PKP1: variants seen among roughly 807,000 people sequenced by gnomAD.
PKP1 encodes plakophilin 1, also known as plakophilin-1.
PKP1 carries 27 observed loss-of-function variants against 76.4 expected under a neutral mutation model. The observed-to-expected ratio is 0.35, with a 90% CI of 0.26 to 0.49. PKP1 has a LOEUF of 0.49. PKP1 is among the 20% of genes least tolerant of loss of function. PKP1 has a pLI of 0.99. For missense variants in PKP1, 964 were observed against 955.2 expected (o/e 1.01, Z -0.12); for synonymous variants, 404 against 384.2 (o/e 1.05, Z -0.60).
chr1:201,284,642 AG>A (rs776717644), intron 1 of PKP1, among the ~76,000 whole-genome samples: 65 of 152,244 alleles, frequency 4.3e-4, no homozygotes, highest in Non-Finnish European at 7.9e-4. Context: ...CCTTGACGAC[AG>A]GGAAGGGGGT....
At chr1:201,309,024 A>G (rs1571551027) in intron 2 of PKP1, among the ~76,000 whole-genome samples, 1 of 151,994 alleles carries the variant, frequency 6.6e-6, no homozygotes, top group Non-Finnish European at 1.5e-5. Context: ...ATGGTTAGTT[A>G]CTGCCCTATC....
rs755831958 is a variant in PKP1 at position 201,313,173 on chromosome 1, A to G, written c.314A>G (p.Asn105Ser). The G allele has an allele frequency of 3.1e-6, 5 of 1,609,698 alleles. No homozygotes were observed. Among genetic ancestry groups the G allele is most frequent in the African/African-American group, 1.3e-5 (1 of 74,718 alleles). Residue 105 changes from asparagine (N) to serine (S), a missense_variant, in exon 3 of 14, where the codon AAT becomes AGT. Transcript: ENST00000367324. The stretch of plus-strand genomic sequence containing the variant: ...CTCCCTTTCCCTGGCCAGATCTACA[A>G]TGGAACCCTCAAGCGGGAGCCTGAC... Reference protein sequence around the residue: ...GNGSWGYPIYNGTLKREPDNR... With the variant: ...GNGSWGYPIYSGTLKREPDNR...
intron 2 of PKP1, among the ~76,000 whole-genome samples, chr1:201,302,024 G>C (rs910336533): frequency 1.3e-5 from 2 of 152,206 alleles, no homozygotes. Flanking sequence ...GCCGCAGGTG[G>C]TGGCTTTCGA....
At chr1:201,320,571 CT>C (rs1271998880) in intron 7 of PKP1, among the ~76,000 whole-genome samples, 190 bp downstream of exon 7, 6 of 152,238 alleles carry the variant, frequency 3.9e-5, no homozygotes, top group African/African-American at 1.2e-4. Context: ...TGCAAATCCA[CT>C]CTCCCTCACT....
intron 1 of PKP1, among the ~76,000 whole-genome samples, chr1:201,290,818 A>G (rs1313179288): frequency 6.6e-6 from 1 of 152,166 alleles, no homozygotes; most frequent in East Asian, 1.9e-4. Context: ...GGTGGTGGAG[A>G]CTTGTACGGG....
intron 12 of PKP1, among the ~76,000 whole-genome samples, chr1:201,327,475 T>C (rs1236037572): frequency 1.3e-5 from 2 of 152,184 alleles, no homozygotes; most frequent in Non-Finnish European, 2.9e-5. Flanking sequence ...CAGCACTGCA[T>C]TGAAGATGGG....
At chr1:201,285,220 C>CCACACACACA (rs140683611) in intron 1 of PKP1, among the ~76,000 whole-genome samples, 7 of 136,754 alleles carry the variant, frequency 5.1e-5, no homozygotes, top group African/African-American at 1.4e-4. Context: ...GGCCCTTCCA[C>CCACACACACA]CACACACACA....
intron 2 of PKP1, among the ~76,000 whole-genome samples, chr1:201,303,717 G>C (rs1304902505): frequency 6.6e-6 from 1 of 152,040 alleles, no homozygotes; most frequent in Non-Finnish European, 1.5e-5. Context: ...AATCAAAATG[G>C]GAAAAAGAAG....
chr1:201,320,420 C>G (rs772972195), intron 7 of PKP1, 39 bp downstream of exon 7: 29 of 1,309,894 alleles, frequency 2.2e-5, no homozygotes, highest in Middle Eastern at 1.8e-4. Flanking sequence ...CCCCTAGGCC[C>G]AGCCCCCTAC....
chr1:201,303,004 C>A lies in PKP1; in HGVS notation c.306+8959C>A, dbSNP rs12568868. Among the ~76,000 whole-genome samples, 63 of 152,348 alleles carry A rather than the reference C, an allele frequency of 4.1e-4. 1 individual carries two copies. In the East Asian group the frequency reaches 0.012, roughly 29 times the overall value. On this transcript the variant is annotated intron_variant, in intron 2 of 13. Transcript: ENST00000367324. Reference sequence around the variant, plus strand: ...AAGACTGGAGCATGGTCTCCTGACTCCTGGCTCAGGGCTCCTGGTCACACT... The same window carrying A: ...AAGACTGGAGCATGGTCTCCTGACTACTGGCTCAGGGCTCCTGGTCACACT...
Position 201,289,521 on chromosome 1 carries a change from A to G in PKP1, c.203-4421A>G, listed in dbSNP as rs574719511. Among the ~76,000 whole-genome samples the G allele has an allele frequency of 2.0e-5, 3 of 152,242 alleles. No homozygotes were observed. In the South Asian group the frequency reaches 6.3e-4, roughly 32 times the overall value. The stretch of plus-strand genomic sequence containing the variant: ...GAAAGTGGAAAAAGCGGATTTCCCT[A>G]TGACCTCTGTCTGCAGGAAGGCTGA... On this transcript the variant is annotated intron_variant, in intron 1 of 13. Coordinates refer to ENST00000367324, the MANE Select transcript of PKP1 (RefSeq NM_001005337.3).
intron 1 of PKP1, among the ~76,000 whole-genome samples, chr1:201,291,634 G>C (rs559080227): frequency 6.6e-6 from 1 of 152,178 alleles, no homozygotes; most frequent in South Asian, 2.1e-4. Flanking sequence ...CCTCCCCGGT[G>C]CTCCATAAAG....
intron 3 of PKP1, among the ~76,000 whole-genome samples, chr1:201,314,014 T>C (rs1447864811): frequency 6.6e-6 from 1 of 152,250 alleles, no homozygotes; most frequent in African/African-American, 2.4e-5. Context: ...TGAGAACCTC[T>C]GATCTTAGGC....
At chr1:201,295,130 A>T (rs188232423) in intron 2 of PKP1, among the ~76,000 whole-genome samples, 1 of 152,280 alleles carries the variant, frequency 6.6e-6, no homozygotes, top group East Asian at 1.9e-4. Flanking sequence ...ATTTGCTTTA[A>T]GACACAGATG....
intron 1 of PKP1, among the ~76,000 whole-genome samples, chr1:201,287,267 C>A (rs964288015): frequency 1.8e-4 from 27 of 152,194 alleles, no homozygotes; most frequent in Non-Finnish European, 3.5e-4. Flanking sequence ...TTCTGTAGTT[C>A]CTGTGTCTAT....
Position 201,283,786 on chromosome 1 carries a change from C to A in PKP1, c.84C>A (p.Asp28Glu), listed in dbSNP as rs751815067. The change falls in exon 1 of 14, where the codon GAC (aspartate) becomes GAA (glutamate). Residue 28 changes from aspartate (D) to glutamate (E), a missense_variant. Transcript: ENST00000367324. ...ACTCCACGTTGGCTTTGCCGTCGGA[C>A]CAAAAGATGAAAACAGGCACGTCTG... ...QDNSTLALPS[D>E]QKMKTGTSGR... 2 of 1,614,150 alleles carry A rather than the reference C, an allele frequency of 1.2e-6. No individual in the cohort carries two copies. Among genetic ancestry groups the A allele is most frequent in the Admixed American group, 1.7e-5 (1 of 60,034 alleles).
rs761676640 is a variant in PKP1, at chr1:201,323,039, T to C, written c.1530T>C (p.Pro510=). 11 of 1,614,124 alleles carry C rather than the reference T, an allele frequency of 6.8e-6. No homozygotes were observed. Among genetic ancestry groups the C allele is most frequent in the Non-Finnish European group, 9.3e-6 (11 of 1,180,010 alleles). The part of the protein sequence containing the change: ...MMNNNYDCPL[P]EEETNPKGSG... ...ACAACAACTATGACTGCCCCCTGCC[T>C]GAGGAAGAGACCAACCCCAAGGGCA... The change falls in exon 9 of 14, where the codon CCT becomes CCC. Residue 510 remains proline (P), a synonymous_variant. Coordinates refer to ENST00000367324, the MANE Select transcript of PKP1 (RefSeq NM_001005337.3).
At position 201,284,085 on chromosome 1, in the gene PKP1, A is replaced by C. The variant is rs534565763; in HGVS notation, c.202+181A>C. ...CTCCCAGCCGGTTCTGAGCTGGTGT[A>C]AACGCGACCCGAGGCTGGCTCGACG... On this transcript the variant is annotated intron_variant, in intron 1 of 13. Transcript: ENST00000367324. Among the ~76,000 whole-genome samples the C allele has an allele frequency of 6.1e-5, 9 of 147,948 alleles. No individual in the cohort carries two copies. In the South Asian group the frequency reaches 1.9e-3, roughly 31 times the overall value.
chr1:201,316,438 C>A, intron 3 of PKP1, 115 bp from the exon 4 acceptor site: 1 of 1,135,190 alleles, frequency 8.8e-7, no homozygotes, highest in Non-Finnish European at 1.3e-6. Flanking sequence ...CTTGTTCTGG[C>A]TCTCCAGAGG....
Sources: allele counts gnomAD v4.1 joint callset (sites outside exome capture counted in the v4.1 genomes callset), GRCh38; gene constraint gnomAD v4.1.1; transcripts MANE v1.5; gene names NCBI Gene and HGNC (gene_info 2026-07-23, HGNC 2026-07-21).